PRKACB: variants seen among roughly 807,000 people sequenced by gnomAD.
PRKACB encodes protein kinase cAMP-activated catalytic subunit beta.
PRKACB carries 16 observed loss-of-function variants against 51.4 expected under a neutral mutation model. The ratio of observed to expected loss-of-function variants is 0.31; its 90% CI spans 0.21 to 0.47. The LOEUF is 0.47. Among genes scored for constraint, PRKACB ranks in the 20% least tolerant of loss-of-function variants. PRKACB has a pLI of 1.00. For synonymous variants in PRKACB, 147 were observed against 154.4 expected (o/e 0.95, Z 0.35); for missense variants, 309 against 464.5 (o/e 0.67, Z 3.08).
At chr1:84,143,437 T>C (rs1357752874), upstream of PRKACB, among the ~76,000 whole-genome samples, 2 of 151,856 alleles carry the variant, frequency 1.3e-5, no homozygotes, top group Non-Finnish European at 2.9e-5. Flanking sequence ...GGAGACAGAG[T>C]GAAACAACGT....
chr1:84,202,642 T>A, intron 7 of PRKACB, 41 bp from the exon 8 acceptor site: 1 of 1,542,508 alleles, frequency 6.5e-7, no homozygotes, highest in South Asian at 1.2e-5. Flanking sequence ...CTCTTTTGAG[T>A]AACTTAAGTA....
At chr1:84,113,852 A>C (rs927704913) in intron 1 of PRKACB, among the ~76,000 whole-genome samples, 2 of 152,180 alleles carry the variant, frequency 1.3e-5, no homozygotes, top group Non-Finnish European at 2.9e-5. Context: ...ATGGAAAATG[A>C]CCACAAATGG....
chr1:84,098,983 A>AT (rs1039398972), intron 1 of PRKACB, among the ~76,000 whole-genome samples: 22 of 152,140 alleles, frequency 1.4e-4, no homozygotes, highest in African/African-American at 4.8e-4. Flanking sequence ...AGCTAAAAAG[A>AT]TAGAACATGG....
intron 1 of PRKACB, chr1:84,173,237 C>T: frequency 2.4e-6 from 2 of 842,622 alleles, no homozygotes; most frequent in Non-Finnish European, 3.7e-6. Flanking sequence ...TTTCTATGTG[C>T]AGTACAGTAG....
intron 1 of PRKACB, among the ~76,000 whole-genome samples, chr1:84,111,862 G>A (rs1335881610): frequency 6.6e-6 from 1 of 151,894 alleles, no homozygotes. Flanking sequence ...CATCTCTACT[G>A]ACCCCAGAGA....
At chr1:84,121,288 A>G (rs1651044343) in intron 1 of PRKACB, among the ~76,000 whole-genome samples, 1 of 151,742 alleles carries the variant, frequency 6.6e-6, no homozygotes, top group African/African-American at 2.4e-5. Context: ...TCTCTTTCAT[A>G]TTTCATTATG....
intron 8 of PRKACB, among the ~76,000 whole-genome samples, chr1:84,207,208 G>A (rs569558966): frequency 6.6e-6 from 1 of 152,172 alleles, no homozygotes; most frequent in East Asian, 1.9e-4. Flanking sequence ...TGCAAAACTG[G>A]CTTCTTATGT....
chr1:84,205,982 G>A (rs1671279988), intron 8 of PRKACB, among the ~76,000 whole-genome samples: 1 of 152,032 alleles, frequency 6.6e-6, no homozygotes, highest in African/African-American at 2.4e-5. Context: ...ATGTCTCAGT[G>A]TCATGTACTC....
At chr1:84,134,316 G>A (rs1197317297) in intron 1 of PRKACB, among the ~76,000 whole-genome samples, 4 of 149,718 alleles carry the variant, frequency 2.7e-5, no homozygotes, top group Non-Finnish European at 5.9e-5. Context: ...ACTTTGGGCC[G>A]TGCTTCCAGG....
intron 1 of PRKACB, among the ~76,000 whole-genome samples, chr1:84,111,769 C>T (rs571661176): frequency 4.0e-5 from 6 of 151,604 alleles, no homozygotes; most frequent in Admixed American, 6.6e-5. Flanking sequence ...AAAGAAACAC[C>T]GTAGAAATTT....
chr1:84,102,724 C>T (rs574850815), intron 1 of PRKACB, among the ~76,000 whole-genome samples: 2 of 152,288 alleles, frequency 1.3e-5, no homozygotes, highest in African/African-American at 4.8e-5. Flanking sequence ...AAGCTACTCA[C>T]CTCTTCACAT....
At chr1:84,122,312 G>GT (rs1484205400) in intron 1 of PRKACB, among the ~76,000 whole-genome samples, 2 of 152,148 alleles carry the variant, frequency 1.3e-5, no homozygotes, top group African/African-American at 4.8e-5. Flanking sequence ...ACAAATTGGT[G>GT]TTTTAGCTGT....
intron 1 of PRKACB, among the ~76,000 whole-genome samples, chr1:84,151,769 C>T (rs760957014): frequency 6.6e-6 from 1 of 152,168 alleles, no homozygotes. Context: ...TCTCCAGGCT[C>T]CACTTTTAAT....
chr1:84,234,620 G>A (rs368576037), intron 9 of PRKACB, among the ~76,000 whole-genome samples: 10 of 152,192 alleles, frequency 6.6e-5, no homozygotes, highest in Non-Finnish European at 8.8e-5. Context: ...CTCCTGGTGC[G>A]CCGTTTTTTA....
intron 1 of PRKACB, among the ~76,000 whole-genome samples, chr1:84,083,692 G>A (rs1329065993): frequency 2.6e-5 from 4 of 152,126 alleles, no homozygotes; most frequent in African/African-American, 9.7e-5. Flanking sequence ...TTGTATACGT[G>A]GGTGATCAAA....
chr1:84,119,889 T>C (rs1397295566), intron 1 of PRKACB, among the ~76,000 whole-genome samples: 1 of 152,110 alleles, frequency 6.6e-6, no homozygotes, highest in Non-Finnish European at 1.5e-5. Context: ...ACCATCATTC[T>C]TGAATCATTG....
At chr1:84,149,399 A>G (rs1040004397) in intron 1 of PRKACB, among the ~76,000 whole-genome samples, 1 of 152,092 alleles carries the variant, frequency 6.6e-6, no homozygotes, top group Non-Finnish European at 1.5e-5. Flanking sequence ...AGCTGGGACT[A>G]TAGGCATGTG....
chr1:84,087,482 A>G (rs1044363857), intron 1 of PRKACB, among the ~76,000 whole-genome samples: 5 of 144,820 alleles, frequency 3.5e-5, no homozygotes, highest in Non-Finnish European at 1.5e-5. Context: ...AAGGTGAAAC[A>G]TGTGTTTACA....
intron 1 of PRKACB, among the ~76,000 whole-genome samples, chr1:84,083,035 TA>T (rs1647673692): frequency 6.6e-6 from 1 of 152,222 alleles, no homozygotes; most frequent in Non-Finnish European, 1.5e-5. Context: ...AAAGTTAAAT[TA>T]TTTTTGGGGC....
Sources: allele counts gnomAD v4.1 joint callset (sites outside exome capture counted in the v4.1 genomes callset), GRCh38; gene constraint gnomAD v4.1.1; transcripts MANE v1.5; gene names NCBI Gene and HGNC (gene_info 2026-07-23, HGNC 2026-07-21).